Variants in MEIG1 observed in about 807,000 individuals in gnomAD.
MEIG1 encodes the protein meiosis/spermiogenesis associated 1, also known as meiosis expressed gene 1 protein homolog.
MEIG1 carries 12 observed loss-of-function variants against 11.3 expected under a neutral mutation model. That is an observed-to-expected ratio of 1.07 (90% CI 0.68 to 1.73). The LOEUF (loss-of-function observed/expected upper bound fraction) is 1.73. Ranked by LOEUF, MEIG1 falls within the 40% of genes most tolerant of loss-of-function variation. MEIG1 has a pLI of 0.00. For missense variants in MEIG1, 119 were observed against 104.9 expected, an observed-to-expected ratio of 1.13 and a Z score of -0.59; for synonymous variants, 41 against 33.2, an observed-to-expected ratio of 1.24 and a Z score of -0.81.
At chr10:14,956,855 G>A (rs770762181), upstream of MEIG1, among the ~76,000 whole-genome samples, 4 of 152,164 alleles carry the variant, frequency 2.6e-5, no homozygotes, top group Non-Finnish European at 5.9e-5. Flanking sequence ...CTTGAGGCCA[G>A]GAGTTAAAGA....
At position 14,966,408 on chromosome 10, in the gene MEIG1, T is replaced by G. The variant is rs918138597; in HGVS notation, c.-29-32T>G. On this transcript the variant is annotated intron_variant, in intron 1 of 2. Coordinates refer to ENST00000407572, the MANE Select transcript of MEIG1 (RefSeq NM_001080836.3). ...GAATTTCAAAATTGTCACTATTACA[T>G]TATCCATTAATGTTGTTTTAACATC... is the stretch of plus-strand genomic sequence containing the variant. 43 of 1,472,690 alleles carry G rather than the reference T, an allele frequency of 2.9e-5. No individual in the cohort carries two copies. In the South Asian group the frequency reaches 5.5e-4, roughly 19 times the overall value. 91.2% of individuals were successfully genotyped at this position (1,472,690 alleles called of 1,614,324 possible). A position where few individuals can be genotyped will look rare whatever the true frequency, so the allele number is the denominator to read the frequency against.
At chr10:14,970,016 G>T (rs1174812391) in intron 2 of MEIG1, among the ~76,000 whole-genome samples, 3 of 152,192 alleles carry the variant, frequency 2.0e-5, no homozygotes, top group African/African-American at 7.2e-5. Flanking sequence ...CTTCCTTCCA[G>T]GGACAATCCC....
At chr10:14,965,078 C>G (rs1843064404) in intron 1 of MEIG1, among the ~76,000 whole-genome samples, 1 of 135,094 alleles carries the variant, frequency 7.4e-6, no homozygotes. Flanking sequence ...GCCACCATGT[C>G]CAGCCTTTCC....
intron 1 of MEIG1, among the ~76,000 whole-genome samples, chr10:14,961,784 C>T (rs996453314): frequency 3.9e-5 from 4 of 102,182 alleles, no homozygotes; most frequent in African/African-American, 6.7e-5. Flanking sequence ...ATGGCCAAAA[C>T]GTTTATTTTT....
intron 1 of MEIG1, among the ~76,000 whole-genome samples, chr10:14,966,066 C>CTTTTTTTTTTTTTTTTTTTTTTTT (rs10673663): frequency 8.4e-6 from 1 of 118,724 alleles, no homozygotes; most frequent in Non-Finnish European, 1.7e-5. Context: ...TTTATTTATT[C>CTTTTTTTTTTTTTTTTTTTTTTTT]TTTTTTTTTT....
chr10:14,983,492 T>C (rs1197504121), intron 1 of MEIG1, among the ~76,000 whole-genome samples: 6 of 151,988 alleles, frequency 3.9e-5, no homozygotes, highest in Non-Finnish European at 7.4e-5. Context: ...TTCTTCCTAA[T>C]ATCCATGGAG....
intron 2 of MEIG1, among the ~76,000 whole-genome samples, chr10:14,971,261 A>G (rs867241750): frequency 6.8e-6 from 1 of 147,350 alleles, no homozygotes; most frequent in South Asian, 2.1e-4. Context: ...ATGGTAGAAG[A>G]AATTAAAAAA....
chr10:14,975,880 C>T (rs566951782), downstream of MEIG1, among the ~76,000 whole-genome samples: 1 of 152,100 alleles, frequency 6.6e-6, no homozygotes, highest in African/African-American at 2.4e-5. Context: ...AGAAACACTC[C>T]CGTGATATTG....
downstream of MEIG1, among the ~76,000 whole-genome samples, chr10:14,973,298 G>T (rs945342517): frequency 2.0e-5 from 3 of 152,144 alleles, no homozygotes; most frequent in African/African-American, 7.2e-5. Context: ...CCCATTCCTG[G>T]CATTTATGTC....
downstream of MEIG1, among the ~76,000 whole-genome samples, chr10:14,977,307 T>C (rs536297711): frequency 3.9e-5 from 6 of 152,166 alleles, no homozygotes; most frequent in South Asian, 1.2e-3. Flanking sequence ...TCTAGGGTGA[T>C]GTTAGTCTTA....
intron 2 of MEIG1, among the ~76,000 whole-genome samples, chr10:14,969,214 A>G (rs557270539): frequency 1.3e-5 from 2 of 152,298 alleles, no homozygotes; most frequent in South Asian, 4.1e-4. Flanking sequence ...TGGGAGGCTG[A>G]GGGTGAAGGA....
At chr10:14,962,047 C>A (rs1046007639) in intron 1 of MEIG1, among the ~76,000 whole-genome samples, 4 of 152,132 alleles carry the variant, frequency 2.6e-5, no homozygotes, top group Non-Finnish European at 5.9e-5. Flanking sequence ...AAAGGATCCT[C>A]CCTCCTCAGT....
intron 2 of MEIG1, chr10:14,970,659 C>G (rs924803135): frequency 8.5e-5 from 13 of 152,210 alleles, no homozygotes. Flanking sequence ...GTTACCTATT[C>G]TCGCTAATTC....
At chr10:14,956,511 T>A (rs1161098716), upstream of MEIG1, among the ~76,000 whole-genome samples, 1 of 151,770 alleles carries the variant, frequency 6.6e-6, no homozygotes, top group Non-Finnish European at 1.5e-5. Flanking sequence ...GTACCCAGGA[T>A]GCGGAAATTG....
chr10:14,983,733 G>T (rs1022412803), intron 1 of MEIG1, among the ~76,000 whole-genome samples: 3 of 152,058 alleles, frequency 2.0e-5, no homozygotes, highest in African/African-American at 7.2e-5. Flanking sequence ...CAGGGCGGGG[G>T]AGGATAATAT....
chr10:14,979,844 A>T (rs1044166421), intron 1 of MEIG1, among the ~76,000 whole-genome samples: 2 of 152,046 alleles, frequency 1.3e-5, no homozygotes, highest in African/African-American at 4.8e-5. Flanking sequence ...AACTTTTAAT[A>T]TCGCAGTGGG....
chr10:14,983,059 G>T (rs1254334860), intron 1 of MEIG1, among the ~76,000 whole-genome samples: 1 of 152,044 alleles, frequency 6.6e-6, no homozygotes, highest in Non-Finnish European at 1.5e-5. Context: ...TGAATATTAT[G>T]CCTAATACCC....
At chr10:14,987,722 C>T (rs1457019810) in intron 2 of MEIG1, 2 of 238,580 alleles carry the variant, frequency 8.4e-6, no homozygotes, top group East Asian at 1.1e-4. Flanking sequence ...CCGTGATCTC[C>T]GTAAAATACG....
chr10:14,966,301 A>T, intron 1 of MEIG1, 139 bp from the exon 2 acceptor site: 1 of 414,882 alleles, frequency 2.4e-6, no homozygotes, highest in Non-Finnish European at 4.4e-6. Context: ...TGACCTCATG[A>T]TCCACCTGCC....
Sources: gnomAD v4.1 joint callset for allele counts (sites outside exome capture counted in the v4.1 genomes callset) on GRCh38, gnomAD v4.1.1 for gene constraint, MANE v1.5 for transcripts, NCBI Gene and HGNC (gene_info 2026-07-23, HGNC 2026-07-21) for gene names.